The following PCDH15 variants were observed in gnomAD, a reference collection of about 807,000 sequenced individuals.
PCDH15 encodes the protein protocadherin related 15, also known as protocadherin-15.
A neutral mutation model predicts 178.5 loss-of-function variants in PCDH15; 129 were observed. The ratio of observed to expected loss-of-function variants is 0.72; its 90% CI spans 0.63 to 0.84. The LOEUF is 0.84. Among genes scored for constraint, PCDH15 ranks in the 40% least tolerant of loss-of-function variants. The pLI is 0.00. For synonymous variants in PCDH15, 800 were observed against 732.0 expected, an observed-to-expected ratio of 1.09 and a Z score of -1.50; for missense variants, 2,230 against 2,099.9, an observed-to-expected ratio of 1.06 and a Z score of -1.21.
chr10:54,763,004 C>A (rs1296441703), intron 1 of PCDH15, among the ~76,000 whole-genome samples: 3 of 152,130 alleles, frequency 2.0e-5, no homozygotes, highest in Non-Finnish European at 2.9e-5. Context: ...TAGAAACTTG[C>A]AGTTAATCCC....
intron 1 of PCDH15, among the ~76,000 whole-genome samples, chr10:54,695,573 T>C (rs2095210207): frequency 6.6e-6 from 1 of 152,150 alleles, no homozygotes. Context: ...ATACCTTCTA[T>C]GGAAGGATGC....
At chr10:54,023,602 T>G (rs2092994957) in intron 18 of PCDH15, among the ~76,000 whole-genome samples, 1 of 148,864 alleles carries the variant, frequency 6.7e-6, no homozygotes, top group South Asian at 2.1e-4. Context: ...TATATTCATT[T>G]TATATTTATA....
At chr10:54,701,059 C>G (rs1182592462) in intron 1 of PCDH15, among the ~76,000 whole-genome samples, 1 of 152,020 alleles carries the variant, frequency 6.6e-6, no homozygotes, top group Non-Finnish European at 1.5e-5. Flanking sequence ...GGCCTATATT[C>G]AGTATATTTT....
At chr10:54,354,206 A>T (rs1944607348) in intron 5 of PCDH15, among the ~76,000 whole-genome samples, 1 of 152,198 alleles carries the variant, frequency 6.6e-6, no homozygotes, top group Non-Finnish European at 1.5e-5. Flanking sequence ...GCTAGTCTCA[A>T]ACTCCCGACC....
chr10:53,929,530 A>C (rs142679414), intron 25 of PCDH15, among the ~76,000 whole-genome samples: 370 of 152,302 alleles, frequency 2.4e-3, no homozygotes, highest in African/African-American at 8.7e-3. Flanking sequence ...ACTAAAAAAT[A>C]ATATGTGACA....
chr10:53,977,149 G>A (rs2090247463), intron 21 of PCDH15, among the ~76,000 whole-genome samples: 1 of 152,082 alleles, frequency 6.6e-6, no homozygotes, highest in Admixed American at 6.6e-5. Context: ...TGCAGCACCT[G>A]ATTAAAGCCA....
chr10:54,993,903 C>T (rs1246826394), intron 2 of PCDH15, among the ~76,000 whole-genome samples: 1 of 152,104 alleles, frequency 6.6e-6, no homozygotes, highest in Non-Finnish European at 1.5e-5. Context: ...TTATCATTTA[C>T]AGCAATGACA....
At chr10:54,016,117 G>A (rs1175587420) in intron 20 of PCDH15, among the ~76,000 whole-genome samples, 2 of 151,746 alleles carry the variant, frequency 1.3e-5, no homozygotes, top group Admixed American at 6.6e-5. Flanking sequence ...AGATATGAAC[G>A]CACACTTTTC....
At chr10:54,142,491 T>C (rs889848564) in intron 14 of PCDH15, among the ~76,000 whole-genome samples, 1 of 152,106 alleles carries the variant, frequency 6.6e-6, no homozygotes, top group Admixed American at 6.6e-5. Context: ...GTGTGTGAGA[T>C]GGTGAGGGAC....
intron 2 of PCDH15, among the ~76,000 whole-genome samples, chr10:54,989,819 G>T (rs1368189884): frequency 6.6e-6 from 1 of 152,118 alleles, no homozygotes; most frequent in African/African-American, 2.4e-5. Context: ...GATATGGTTT[G>T]GCTGTTTCCC....
chr10:54,406,871 A>G (rs116380855), intron 3 of PCDH15, among the ~76,000 whole-genome samples: 2,597 of 152,254 alleles, frequency 0.017, 73 homozygotes, highest in African/African-American at 0.057. Context: ...AAACAACCAT[A>G]AAAGACAACT....
chr10:54,057,863 C>T (rs949257760), intron 18 of PCDH15, among the ~76,000 whole-genome samples: 2 of 152,158 alleles, frequency 1.3e-5, no homozygotes, highest in South Asian at 4.1e-4. Flanking sequence ...CCTGAATCAT[C>T]TCTTTCAAGT....
In PCDH15 at chr10:53,903,379, C is replaced by G. The variant is rs2133667819; in HGVS notation, c.3374-9G>C. The G allele has an allele frequency of 6.2e-7, 1 of 1,611,796 alleles. No homozygotes were observed. The highest frequency in any genetic ancestry group is 1.3e-5 in the African/African-American group (1 of 74,924). On this transcript the variant is annotated splice_polypyrimidine_tract_variant and intron_variant, in intron 25 of 37. Transcript: ENST00000644397. ...TACTTTAGCTGTATTGCCTGGAGGA[C>G]AAGAAACGATGCATTTTTTATTGGT...
intron 1 of PCDH15, among the ~76,000 whole-genome samples, chr10:55,216,062 C>T (rs1840693751): frequency 6.6e-6 from 1 of 151,718 alleles, no homozygotes; most frequent in Non-Finnish European, 1.5e-5. Context: ...ATGAATTTAT[C>T]TGTGCCAATT....
rs151317058 is a variant in PCDH15 at position 54,695,257 on chromosome 10, T to C, written c.-28-30967A>G. Among the ~76,000 whole-genome samples, 52 of 152,194 alleles carry C rather than the reference T, an allele frequency of 3.4e-4. No individual in the cohort carries two copies. In the East Asian group the frequency reaches 8.7e-3, roughly 26 times the overall value. On this transcript the variant is annotated intron_variant, in intron 1 of 37. Transcript: ENST00000644397. ...AGTCTGATTGTGGATATAGAGAAAG[T>C]GTTACTGGTTTGGATAGAAAATCAA...
At chr10:54,536,978 T>C (rs2084607760) in intron 2 of PCDH15, among the ~76,000 whole-genome samples, 1 of 150,610 alleles carries the variant, frequency 6.6e-6, no homozygotes, top group Admixed American at 6.7e-5. Flanking sequence ...TGTGACTATT[T>C]GGTGGAACAA....
At chr10:54,842,149 C>T (rs1287538986) in intron 3 of PCDH15, among the ~76,000 whole-genome samples, 1 of 149,644 alleles carries the variant, frequency 6.7e-6, no homozygotes, top group Non-Finnish European at 1.5e-5. Flanking sequence ...TGTCAAGCTA[C>T]TGAAAAGAGA....
chr10:55,073,684 C>T (rs11004727), intron 2 of PCDH15, among the ~76,000 whole-genome samples: 85,254 of 151,736 alleles, frequency 0.56, 24,378 homozygotes, highest in East Asian at 0.75. Flanking sequence ...GAGAGTTCCC[C>T]CCTCTTCAAT....
At chr10:54,277,156 G>T (rs535662669) in intron 8 of PCDH15, among the ~76,000 whole-genome samples, 1 of 151,636 alleles carries the variant, frequency 6.6e-6, no homozygotes, top group African/African-American at 2.4e-5. Flanking sequence ...GGAAGTGGAA[G>T]ATTTAAGTTA....
Sources: gnomAD v4.1 joint callset for allele counts (sites outside exome capture counted in the v4.1 genomes callset) on GRCh38, gnomAD v4.1.1 for gene constraint, MANE v1.5 for transcripts, NCBI Gene and HGNC (gene_info 2026-07-23, HGNC 2026-07-21) for gene names.